Variants in ZDHHC5 observed in about 807,000 individuals in gnomAD.
The protein encoded by ZDHHC5 is palmitoyltransferase ZDHHC5.
A neutral mutation model predicts 70.0 loss-of-function variants in ZDHHC5; 22 were observed. That is an observed-to-expected ratio of 0.31 (90% CI 0.22 to 0.45). The LOEUF is 0.45. Ranked by LOEUF, ZDHHC5 falls within the 20% of genes least tolerant of loss-of-function variation. ZDHHC5 has a pLI of 1.00. For synonymous variants in ZDHHC5, 313 were observed against 347.8 expected (o/e 0.90, Z 1.11); for missense variants, 746 against 926.9 (o/e 0.80, Z 2.53).
chr11:57,671,954 T>A (rs1946012096), intron 1 of ZDHHC5, 67 bp from the exon 2 acceptor site: 1 of 313,066 alleles, frequency 3.2e-6, no homozygotes, highest in South Asian at 1.6e-4. Flanking sequence ...GCCTGTGGAA[T>A]TTTAGCCTTG....
chr11:57,688,791 C>A, intron 4 of ZDHHC5, 126 bp downstream of exon 4: 3 of 1,047,220 alleles, frequency 2.9e-6, no homozygotes, highest in Non-Finnish European at 3.8e-6. Flanking sequence ...CATGGTCCAG[C>A]TCTGTCAAAT....
intron 2 of ZDHHC5, among the ~76,000 whole-genome samples, chr11:57,677,924 G>A (rs548038813): frequency 6.6e-6 from 1 of 152,238 alleles, no homozygotes; most frequent in African/African-American, 2.4e-5. Flanking sequence ...CTGGTTGAAA[G>A]TCTGGGTACC....
In ZDHHC5 at chr11:57,676,037, T is replaced by C. The variant is rs534847211; in HGVS notation, c.104+2843T>C. Among the ~76,000 whole-genome samples the C allele has an allele frequency of 9.8e-5, 15 of 152,334 alleles. No individual in the cohort carries two copies. In the South Asian group the frequency reaches 1.5e-3, roughly 15 times the overall value. Reference sequence around the variant, plus strand: ...ATTATTAGAAGCCCCAGGTGAGAATTACTTTGGGATATAGAGGAATGCGAG... The same window carrying C: ...ATTATTAGAAGCCCCAGGTGAGAATCACTTTGGGATATAGAGGAATGCGAG... On this transcript the variant is annotated intron_variant, in intron 2 of 11. Coordinates refer to ENST00000287169, the MANE Select transcript of ZDHHC5 (RefSeq NM_015457.3).
chr11:57,673,746 A>G (rs1328598100), intron 2 of ZDHHC5, among the ~76,000 whole-genome samples: 1 of 151,912 alleles, frequency 6.6e-6, no homozygotes, highest in South Asian at 2.1e-4. Context: ...AATTTTTTTT[A>G]TTTTCAGTAG....
intron 4 of ZDHHC5, among the ~76,000 whole-genome samples, chr11:57,689,598 G>C (rs991006317): frequency 2.6e-5 from 4 of 151,604 alleles, no homozygotes; most frequent in Non-Finnish European, 5.9e-5. Flanking sequence ...GGCTGGTCTT[G>C]AACTCCTGAC....
chr11:57,677,525 G>A (rs1448473536), intron 2 of ZDHHC5, among the ~76,000 whole-genome samples: 1 of 152,022 alleles, frequency 6.6e-6, no homozygotes, highest in Non-Finnish European at 1.5e-5. Flanking sequence ...GACTTCAGGT[G>A]ATCCACCCAC....
rs916740954 is a variant in ZDHHC5 at position 57,673,290 on chromosome 11, C to G, written c.104+96C>G. The G allele has an allele frequency of 5.1e-6, 6 of 1,182,678 alleles. No individual in the cohort carries two copies. The Admixed American group carries it at 9.5e-5, about 19-fold the overall frequency. 73.3% of individuals were successfully genotyped at this position (1,182,678 alleles called of 1,614,324 possible). ...TCTTGAGTTTTGCAAAGCCAAGTGA[C>G]TGAGAGGGCTCAGCGTCTGGTACAG... On this transcript the variant is annotated intron_variant, in intron 2 of 11. Coordinates refer to ENST00000287169, the MANE Select transcript of ZDHHC5 (RefSeq NM_015457.3).
rs1220290094 is a variant in ZDHHC5 at position 57,700,605 on chromosome 11, A to G, written c.*574A>G. ...TTTGTCCCAGTTACTAACTACGGAA[A>G]TAGCATCCTCTGCTGGTGCTAAGTG... On this transcript the variant is annotated 3_prime_UTR_variant, in exon 12 of 12. Coordinates refer to ENST00000287169, the MANE Select transcript of ZDHHC5 (RefSeq NM_015457.3). The G allele has an allele frequency of 6.6e-6, 1 of 152,542 alleles. No individual in the cohort carries two copies. Among genetic ancestry groups the G allele is most frequent in the Non-Finnish European group, 1.5e-5 (1 of 68,036 alleles). The allele number at this position is 152,542 out of a possible 1,614,324, so 9.4% of individuals were successfully genotyped here.
chr11:57,675,259 GA>G (rs1410066771), intron 2 of ZDHHC5, among the ~76,000 whole-genome samples: 1 of 152,184 alleles, frequency 6.6e-6, no homozygotes, highest in African/African-American at 2.4e-5. Context: ...AAATTGAGGG[GA>G]CTAAATGATT....
At chr11:57,693,338 G>T (rs1268171932) in intron 7 of ZDHHC5, among the ~76,000 whole-genome samples, 2 of 152,128 alleles carry the variant, frequency 1.3e-5, no homozygotes, top group Non-Finnish European at 2.9e-5. Context: ...AGAATCTAAT[G>T]CCTCCGCTGA....
chr11:57,675,070 T>A (rs1946054202), intron 2 of ZDHHC5, among the ~76,000 whole-genome samples: 2 of 152,244 alleles, frequency 1.3e-5, no homozygotes, highest in African/African-American at 4.8e-5. Context: ...TTTTTGCTAA[T>A]ATGGCCAGGA....
Position 57,690,185 on chromosome 11 carries a change from G to C in ZDHHC5, c.539G>C (p.Gly180Ala). The C allele has an allele frequency of 6.2e-7, 1 of 1,614,078 alleles. No homozygotes were observed. The highest frequency in any genetic ancestry group is 1.1e-5 in the South Asian group (1 of 91,072). Residue 180 changes from glycine to alanine, a missense_variant, in exon 5 of 12, where the codon GGG (glycine) becomes GCG (alanine). Gly to Ala is a moderately conservative substitution (Grantham distance 60). Coordinates refer to ENST00000287169, the MANE Select transcript of ZDHHC5 (RefSeq NM_015457.3). Reference protein sequence around the residue: ...YVLYHIEELSGVRTAVTMAVM... With the variant: ...YVLYHIEELSAVRTAVTMAVM... ...CTCTACCACATAGAGGAACTCTCAG[G>C]GGTCCGCACGGCTGTCACGTATCCT...
intron 3 of ZDHHC5, among the ~76,000 whole-genome samples, chr11:57,688,241 C>T (rs898262027): frequency 6.6e-6 from 1 of 152,174 alleles, no homozygotes; most frequent in Non-Finnish European, 1.5e-5. Flanking sequence ...AACCAAATAA[C>T]ACCAGCAGAT....
At chr11:57,697,469 A>AAAAT (rs956474167) in intron 10 of ZDHHC5, among the ~76,000 whole-genome samples, 2 of 151,504 alleles carry the variant, frequency 1.3e-5, no homozygotes, top group African/African-American at 4.8e-5. Context: ...TCTCAAAAAA[A>AAAAT]AAATAAATAA....
At chr11:57,678,006 T>C (rs1446264525) in intron 2 of ZDHHC5, among the ~76,000 whole-genome samples, 4 of 152,218 alleles carry the variant, frequency 2.6e-5, no homozygotes, top group Admixed American at 2.6e-4. Flanking sequence ...CATGGAATCT[T>C]GAGGAAAGGA....
At chr11:57,695,804 A>AG in intron 8 of ZDHHC5, 116 bp from the exon 9 acceptor site, 1 of 1,418,184 alleles carries the variant, frequency 7.1e-7, no homozygotes, top group East Asian at 2.5e-5. Flanking sequence ...TCAAAAAAAA[A>AG]AAAAAAATAC....
chr11:57,689,369 A>T (rs564267973), intron 4 of ZDHHC5, among the ~76,000 whole-genome samples: 18 of 150,920 alleles, frequency 1.2e-4, no homozygotes, highest in African/African-American at 3.9e-4. Context: ...GGTCTTTTTT[A>T]TATATATATA....
chr11:57,683,617 G>C (rs1236297988), intron 3 of ZDHHC5, among the ~76,000 whole-genome samples: 1 of 152,172 alleles, frequency 6.6e-6, no homozygotes, highest in East Asian at 1.9e-4. Flanking sequence ...ACTTGAATCA[G>C]TCAGATAGTT....
chr11:57,683,184 A>T (rs1038550137), intron 3 of ZDHHC5, among the ~76,000 whole-genome samples: 6 of 152,226 alleles, frequency 3.9e-5, no homozygotes, highest in Non-Finnish European at 8.8e-5. Context: ...TGGGAGGTAA[A>T]CCCAGAGCCA....
Sources: allele counts gnomAD v4.1 joint callset (sites outside exome capture counted in the v4.1 genomes callset), GRCh38; gene constraint gnomAD v4.1.1; transcripts MANE v1.5; gene names NCBI Gene and HGNC (gene_info 2026-07-23, HGNC 2026-07-21).